MVB12B: variants seen among roughly 807,000 people sequenced by gnomAD.
The protein encoded by MVB12B is multivesicular body subunit 12B, also known as ESCRT-I complex subunit MVB12B.
In MVB12B, 16 loss-of-function variants were observed where a neutral mutation model predicts 41.6. That is an observed-to-expected ratio of 0.38 (90% CI 0.26 to 0.58). MVB12B has a LOEUF of 0.58. Ranked by LOEUF, MVB12B falls within the 20% of genes least tolerant of loss-of-function variation. MVB12B has a pLI of 0.62. For missense variants in MVB12B, 274 were observed against 380.2 expected, an observed-to-expected ratio of 0.72 and a Z score of 2.32; for synonymous variants, 133 against 139.7, an observed-to-expected ratio of 0.95 and a Z score of 0.34.
intron 7 of MVB12B, among the ~76,000 whole-genome samples, chr9:126,479,989 A>G (rs770973940): frequency 6.6e-6 from 1 of 151,956 alleles, no homozygotes; most frequent in Non-Finnish European, 1.5e-5. Flanking sequence ...CTTCTGTGTT[A>G]GGACTGAGAA....
chr9:126,408,395 G>A (rs745937511), intron 6 of MVB12B: 7 of 149,022 alleles, frequency 4.7e-5, no homozygotes, highest in African/African-American at 9.7e-5. Flanking sequence ...CAAAGTTCCC[G>A]ATGCCATTCG....
At chr9:126,396,929 C>A in intron 6 of MVB12B, 1 of 985,564 alleles carries the variant, frequency 1.0e-6, no homozygotes, top group Non-Finnish European at 1.2e-6. Flanking sequence ...TTGTTCCTCA[C>A]TTCTGAGCCA....
chr9:126,389,077 C>T lies in MVB12B; in HGVS notation c.409+2419C>T, dbSNP rs1350712642. ...GGCTTGGGGCCCAGCTGCTGTGGGG[C>T]CCAGGGGTCCTGGTTGGGAAGTTTC... On this transcript the variant is annotated intron_variant, in intron 4 of 9. Coordinates refer to ENST00000361171, the MANE Select transcript of MVB12B (RefSeq NM_033446.3). The surrounding 1 kb of genome is among the most constrained non-coding windows in gnomAD (Gnocchi z 4.4). Among the ~76,000 whole-genome samples, 5 of 152,178 alleles carry T rather than the reference C, an allele frequency of 3.3e-5. No homozygotes were observed. Among genetic ancestry groups the T allele is most frequent in the Admixed American group, 1.3e-4 (2 of 15,272 alleles).
At chr9:126,422,596 T>G (rs1380677587) in intron 7 of MVB12B, among the ~76,000 whole-genome samples, 1 of 152,186 alleles carries the variant, frequency 6.6e-6, no homozygotes, top group African/African-American at 2.4e-5. Context: ...CAAACTCGCC[T>G]CCGATTATCC....
chr9:126,507,035 C>G lies in MVB12B; in HGVS notation c.*3772C>G, dbSNP rs1411603295. 6.5e-6 allele frequency: 1 copy of G among 152,674 alleles called. No homozygotes were observed. The highest frequency in any genetic ancestry group is 1.5e-5 in the Non-Finnish European group (1 of 68,060). The allele number at this position is 152,674 out of a possible 1,614,324, so 9.5% of individuals were successfully genotyped here. A position where few individuals can be genotyped will look rare whatever the true frequency, so the allele number is the denominator to read the frequency against. ...TTGTTAAATAAACGTTTGTTTTAAC[C>G]TCTTTCCCCAGTTTGCTGTCGTGGT... On this transcript the variant is annotated 3_prime_UTR_variant, in exon 10 of 10. Transcript: ENST00000361171.
intron 6 of MVB12B, among the ~76,000 whole-genome samples, chr9:126,403,134 T>TG (rs1831314761): frequency 6.6e-6 from 1 of 152,222 alleles, no homozygotes; most frequent in Non-Finnish European, 1.5e-5. Context: ...ATAACTGCAC[T>TG]GGGGTTTTCA....
intron 7 of MVB12B, among the ~76,000 whole-genome samples, chr9:126,422,598 C>T (rs1832058993): frequency 1.3e-5 from 2 of 152,162 alleles, no homozygotes; most frequent in African/African-American, 2.4e-5. Context: ...AACTCGCCTC[C>T]GATTATCCTG....
intron 2 of MVB12B, among the ~76,000 whole-genome samples, chr9:126,373,651 C>T (rs1830401818): frequency 6.6e-6 from 1 of 152,228 alleles, no homozygotes; most frequent in Non-Finnish European, 1.5e-5. Context: ...AAGGAGCACT[C>T]AATTCCAACG....
intron 2 of MVB12B, among the ~76,000 whole-genome samples, chr9:126,346,823 G>T (rs1248980126): frequency 6.6e-6 from 1 of 152,228 alleles, no homozygotes; most frequent in African/African-American, 2.4e-5. Flanking sequence ...AAGAAGGAGT[G>T]GTGAGTAATG....
In MVB12B at chr9:126,381,080, A is replaced by G. The variant is rs538080040; in HGVS notation, c.221A>G (p.Asp74Gly). 6.2e-7 allele frequency: 1 copy of G among 1,614,124 alleles called. No individual in the cohort carries two copies. The highest frequency in any genetic ancestry group is 1.7e-5 in the Admixed American group (1 of 60,022). Residue 74 changes from aspartate to glycine, a missense_variant, in exon 3 of 10, where the codon GAT becomes GGT. Physicochemically the swap from Asp to Gly is moderately conservative, Grantham distance 94. Coordinates refer to ENST00000361171, the MANE Select transcript of MVB12B (RefSeq NM_033446.3). ...TGYDVVAQTADGVDADLWKDG... is the reference protein window; with the variant it reads ...TGYDVVAQTAGGVDADLWKDG... ...CCGGTGTAGGTTGCACAGACAGCAGATGGTGTGGATGCTGACCTCTGGAAA... is the reference window on the plus strand; with the variant it reads ...CCGGTGTAGGTTGCACAGACAGCAGGTGGTGTGGATGCTGACCTCTGGAAA...
intron 7 of MVB12B, among the ~76,000 whole-genome samples, chr9:126,462,852 A>G (rs553173637): frequency 6.6e-6 from 1 of 152,356 alleles, no homozygotes; most frequent in Middle Eastern, 3.4e-3. Context: ...TGACAGGCTT[A>G]CAGAGTGAAC....
intron 7 of MVB12B, among the ~76,000 whole-genome samples, chr9:126,453,427 C>T (rs1832919377): frequency 6.6e-6 from 1 of 152,178 alleles, no homozygotes; most frequent in Admixed American, 6.5e-5. Context: ...CTGTTTGCCC[C>T]TTCTCCCTTC....
At position 126,413,922 on chromosome 9, in the gene MVB12B, ACT is replaced by A. The variant is rs1400573838; in HGVS notation, c.663-7926_663-7925del. On this transcript the variant is annotated intron_variant, in intron 6 of 9. Transcript: ENST00000361171. The stretch of plus-strand genomic sequence containing the variant: ...GTGCGCCTCTGCCTTGCTAGTCACC[ACT>A]CTCTCGACGCTGCCCTTTGACAGTC... Among the ~76,000 whole-genome samples, 7 of 150,644 alleles carry A rather than the reference ACT, an allele frequency of 4.6e-5. No homozygotes were observed. The South Asian group carries it at 6.3e-4, about 14-fold the overall frequency.
intron 7 of MVB12B, among the ~76,000 whole-genome samples, chr9:126,444,000 T>C (rs1438278561): frequency 6.6e-6 from 1 of 152,266 alleles, no homozygotes; most frequent in African/African-American, 2.4e-5. Flanking sequence ...TTCCATGTTA[T>C]TGCATGTATC....
rs76825805 is a variant in MVB12B at position 126,330,512 on chromosome 9, C to T, written c.81+3502C>T. Among the ~76,000 whole-genome samples, 27 of 152,248 alleles carry T rather than the reference C, an allele frequency of 1.8e-4. 1 individual carries two copies. The East Asian group carries it at 4.6e-3, about 26-fold the overall frequency. On this transcript the variant is annotated intron_variant, in intron 1 of 9. Transcript: ENST00000361171. Reference sequence around the variant, plus strand: ...TTATTGAGTCAGAATCTCTGGGGAACGGGACCTGGAATCTGCAGTCTTAAC... The same window carrying T: ...TTATTGAGTCAGAATCTCTGGGGAATGGGACCTGGAATCTGCAGTCTTAAC...
intron 9 of MVB12B, among the ~76,000 whole-genome samples, chr9:126,485,842 T>G (rs1209632009): frequency 6.6e-6 from 1 of 152,190 alleles, no homozygotes; most frequent in Non-Finnish European, 1.5e-5. Context: ...CCCTCCTGTT[T>G]CCCTAAGACA....
rs543882251 is a variant in MVB12B, at chr9:126,471,391, G to A, written c.758-9978G>A. 4.6e-5 allele frequency among the ~76,000 whole-genome samples: 7 copies of A among 152,336 alleles called. No individual in the cohort carries two copies. The South Asian group carries it at 8.3e-4, about 18-fold the overall frequency. On this transcript the variant is annotated intron_variant, in intron 7 of 9. Coordinates refer to ENST00000361171, the MANE Select transcript of MVB12B (RefSeq NM_033446.3). ...TCCGGCGCCTGTGCTCCGTCCTCCC[G>A]TGCTGCCTCTCACGCGGGGGACTCG...
intron 6 of MVB12B, among the ~76,000 whole-genome samples, chr9:126,421,331 T>C (rs2119089232): frequency 6.6e-6 from 1 of 152,374 alleles, no homozygotes; most frequent in South Asian, 2.1e-4. Flanking sequence ...TGTGCCATCC[T>C]GATTTTCAGA....
In MVB12B at chr9:126,459,477, T is replaced by G. The variant is rs10760437; in HGVS notation, c.758-21892T>G. ...AGAGTCCTGTTGCTTCAGAAAGGCT[T>G]CACAGAACTGTGCCTGTGAGACCAC... On this transcript the variant is annotated intron_variant, in intron 7 of 9. Transcript: ENST00000361171. The surrounding 1 kb of genome is among the most constrained non-coding windows in gnomAD (Gnocchi z 4.3). Among the ~76,000 whole-genome samples the G allele has an allele frequency of 0.13, 19,755 of 152,196 alleles. 1,801 individuals are homozygous for G. The highest frequency in any genetic ancestry group is 0.44 in the East Asian group (2,260 of 5,164).
Sources: gnomAD v4.1 joint callset for allele counts (sites outside exome capture counted in the v4.1 genomes callset) on GRCh38, gnomAD v4.1.1 for gene constraint, Gnocchi (gnomAD v3.1) non-coding constraint, MANE v1.5 for transcripts, NCBI Gene and HGNC (gene_info 2026-07-23, HGNC 2026-07-21) for gene names.